Variants in PTPRM observed in about 807,000 individuals in gnomAD.
PTPRM encodes the protein receptor-type tyrosine-protein phosphatase mu.
In PTPRM, 47 loss-of-function variants were observed where a neutral mutation model predicts 186.7. The ratio of observed to expected loss-of-function variants is 0.25; its 90% CI spans 0.20 to 0.32. The LOEUF is 0.32. Ranked by LOEUF, PTPRM falls within the 10% of genes least tolerant of loss-of-function variation. PTPRM has a pLI of 1.00. For synonymous variants in PTPRM, 668 were observed against 674.9 expected, an observed-to-expected ratio of 0.99 and a Z score of 0.16; for missense variants, 1,494 against 1,865.0, an observed-to-expected ratio of 0.80 and a Z score of 3.66.
chr18:7,940,859 T>C (rs900740857), intron 5 of PTPRM, among the ~76,000 whole-genome samples: 5 of 151,958 alleles, frequency 3.3e-5, no homozygotes, highest in African/African-American at 1.2e-4. Flanking sequence ...TTAAAGTCAA[T>C]ATTCCTAGGT....
chr18:7,944,042 C>T (rs11874842), intron 5 of PTPRM, among the ~76,000 whole-genome samples: 3 of 152,170 alleles, frequency 2.0e-5, no homozygotes, highest in South Asian at 4.1e-4. Context: ...TTTCCCTGTT[C>T]GTCTCCATTG....
At chr18:8,223,161 T>C (rs2094174344) in intron 14 of PTPRM, among the ~76,000 whole-genome samples, 1 of 151,964 alleles carries the variant, frequency 6.6e-6, no homozygotes, top group African/African-American at 2.4e-5. Context: ...GAGGTGGAGA[T>C]TACAGTGAGC....
intron 4 of PTPRM, among the ~76,000 whole-genome samples, chr18:7,911,342 A>G (rs1212336403): frequency 1.3e-5 from 2 of 152,206 alleles, no homozygotes; most frequent in Non-Finnish European, 2.9e-5. Context: ...AATTGGCTGC[A>G]CCATTTTCCA....
At chr18:8,030,017 C>T (rs137873132) in intron 7 of PTPRM, among the ~76,000 whole-genome samples, 260 of 152,308 alleles carry the variant, frequency 1.7e-3, no homozygotes, top group Non-Finnish European at 2.6e-3. Context: ...AAGTAAACAG[C>T]GCAGACCAAT....
chr18:7,998,862 TA>T (rs1358009573), intron 7 of PTPRM, among the ~76,000 whole-genome samples: 4 of 152,076 alleles, frequency 2.6e-5, no homozygotes. Context: ...GCCATGCTGG[TA>T]AGGCTGATCT....
intron 1 of PTPRM, among the ~76,000 whole-genome samples, chr18:7,592,528 A>G (rs1315125301): frequency 2.6e-5 from 4 of 152,164 alleles, no homozygotes; most frequent in South Asian, 2.1e-4. Flanking sequence ...TGCAGGGGGA[A>G]AATCACTCCT....
chr18:8,218,524 T>C (rs2094116143), intron 14 of PTPRM, among the ~76,000 whole-genome samples: 1 of 152,184 alleles, frequency 6.6e-6, no homozygotes, highest in South Asian at 2.1e-4. Context: ...ACTCAATTAG[T>C]TTATAACTGT....
chr18:7,894,074 C>G (rs1036269645), intron 3 of PTPRM, among the ~76,000 whole-genome samples: 2 of 152,086 alleles, frequency 1.3e-5, no homozygotes, highest in African/African-American at 4.8e-5. Flanking sequence ...GAGGGGCTTC[C>G]TTGGGCTGCA....
chr18:8,210,638 G>A (rs375626256), intron 14 of PTPRM, among the ~76,000 whole-genome samples: 16 of 152,300 alleles, frequency 1.1e-4, no homozygotes, highest in African/African-American at 2.4e-4. Context: ...TGGGAAAGCC[G>A]AGGTCATGGG....
intron 7 of PTPRM, among the ~76,000 whole-genome samples, chr18:8,041,994 AG>A (rs1356663969): frequency 6.6e-6 from 1 of 152,190 alleles, no homozygotes; most frequent in Non-Finnish European, 1.5e-5. Context: ...TGGAAATGAA[AG>A]GGGTTATTAT....
chr18:7,604,267 G>T (rs2037475789), intron 1 of PTPRM, among the ~76,000 whole-genome samples: 1 of 152,190 alleles, frequency 6.6e-6, no homozygotes, highest in African/African-American at 2.4e-5. Flanking sequence ...GGATCTGGAG[G>T]GTTAAGAGTG....
intron 2 of PTPRM, among the ~76,000 whole-genome samples, chr18:7,884,265 C>T (rs1302948467): frequency 1.3e-5 from 2 of 152,178 alleles, no homozygotes; most frequent in Admixed American, 6.5e-5. Context: ...GGCTTTGTCC[C>T]GCTTGCCTTG....
At chr18:7,658,888 T>TG (rs55997149) in intron 1 of PTPRM, among the ~76,000 whole-genome samples, 24,854 of 152,036 alleles carry the variant, frequency 0.16, 2,516 homozygotes, top group African/African-American at 0.28. Flanking sequence ...CCAGTTCTTG[T>TG]TATCTTTGCT....
At chr18:7,860,508 A>G (rs1002320336) in intron 2 of PTPRM, among the ~76,000 whole-genome samples, 8 of 152,166 alleles carry the variant, frequency 5.3e-5, no homozygotes, top group Non-Finnish European at 8.8e-5. Flanking sequence ...TCCCAGGCAA[A>G]GCACCTGCTG....
At chr18:7,785,248 G>A (rs1370728095) in intron 2 of PTPRM, among the ~76,000 whole-genome samples, 117 of 152,152 alleles carry the variant, frequency 7.7e-4, no homozygotes, top group Non-Finnish European at 2.8e-4. Flanking sequence ...CTGAGTATGT[G>A]TAGAGGAAAA....
chr18:7,714,447 A>G (rs1034285928), intron 1 of PTPRM, among the ~76,000 whole-genome samples: 38 of 152,192 alleles, frequency 2.5e-4, no homozygotes, highest in African/African-American at 9.2e-4. Context: ...CTAACATCAC[A>G]ATTAAAAGAA....
rs1598697998 is a variant in PTPRM at position 7,784,493 on chromosome 18, A to G, written c.196+10222A>G. Among the ~76,000 whole-genome samples, 7 of 152,088 alleles carry G rather than the reference A, an allele frequency of 4.6e-5. No individual in the cohort carries two copies. In the South Asian group the frequency reaches 1.5e-3, roughly 32 times the overall value. On this transcript the variant is annotated intron_variant, in intron 2 of 32. Transcript: ENST00000580170. ...CTTTTATCCCACCACCTTACCCACC[A>G]TCGTCACTCAACAATCAGAGCTTGC...
chr18:8,253,747 G>T (rs188016212), intron 19 of PTPRM, among the ~76,000 whole-genome samples: 1 of 152,172 alleles, frequency 6.6e-6, no homozygotes, highest in East Asian at 1.9e-4. Context: ...TATCAAGGCC[G>T]ACTGTATTTT....
chr18:8,399,124 G>A (rs928584017), intron 32 of PTPRM, among the ~76,000 whole-genome samples: 16 of 152,346 alleles, frequency 1.1e-4, no homozygotes, highest in Middle Eastern at 3.4e-3. Context: ...GTGCTCCAAG[G>A]AGCTGAGCAG....
Sources: gnomAD v4.1 joint callset for allele counts (sites outside exome capture counted in the v4.1 genomes callset) on GRCh38, gnomAD v4.1.1 for gene constraint, MANE v1.5 for transcripts, NCBI Gene and HGNC (gene_info 2026-07-23, HGNC 2026-07-21) for gene names.